The following FAM114A1 variants were observed in gnomAD, a reference collection of about 807,000 sequenced individuals.
FAM114A1 encodes the protein protein NOXP20.
A neutral mutation model predicts 64.3 loss-of-function variants in FAM114A1; 62 were observed. The ratio of observed to expected loss-of-function variants is 0.96; its 90% CI spans 0.79 to 1.19. The LOEUF (loss-of-function observed/expected upper bound fraction) is 1.19, where lower values mean the gene tolerates loss of function less well. Among genes scored for constraint, FAM114A1 ranks in the 50% most tolerant of loss-of-function variants. The probability of loss-of-function intolerance (pLI) is 0.00; values close to 1 mark genes in which losing one functional copy is unlikely to be tolerated. For missense variants in FAM114A1, 645 were observed against 676.3 expected (o/e 0.95, Z 0.51); for synonymous variants, 254 against 251.1 (o/e 1.01, Z -0.11).
At position 38,878,318 on chromosome 4, in the gene FAM114A1, C is replaced by T; in HGVS notation, c.240C>T (p.Pro80=). The T allele has an allele frequency of 6.2e-7, 1 of 1,614,244 alleles. No homozygotes were observed. Residue 80 remains proline, a synonymous_variant, in exon 3 of 15, where the codon CCC becomes CCT. Transcript: ENST00000358869. The stretch of plus-strand genomic sequence containing the variant: ...CTCAGGATGCCAACGCCCTGGAGCC[C>T]CCTCTCAATGGAGACGTGACTGAGG... ...VQPQDANALE[P]PLNGDVTEDT...
chr4:38,938,026 G>A (rs979622751), intron 13 of FAM114A1, among the ~76,000 whole-genome samples: 3 of 145,876 alleles, frequency 2.1e-5, no homozygotes, highest in African/African-American at 5.1e-5. Flanking sequence ...TGTGAGCCAC[G>A]GCGCCCGACC....
chr4:38,923,118 T>C (rs1222147217), intron 9 of FAM114A1, among the ~76,000 whole-genome samples: 5 of 151,974 alleles, frequency 3.3e-5, no homozygotes, highest in Admixed American at 6.6e-5. Context: ...TTCGGCACAA[T>C]CCCTGGCACA....
chr4:38,921,402 C>A (rs986240811), intron 8 of FAM114A1, among the ~76,000 whole-genome samples: 4 of 151,616 alleles, frequency 2.6e-5, no homozygotes, highest in African/African-American at 9.8e-5. Flanking sequence ...AGACCACAGG[C>A]GTGCACCAGC....
intron 9 of FAM114A1, among the ~76,000 whole-genome samples, chr4:38,926,980 G>A (rs1398839017): frequency 1.3e-5 from 2 of 152,116 alleles, no homozygotes; most frequent in African/African-American, 4.8e-5. Flanking sequence ...TTGTGGCTTC[G>A]TCATGAGCAA....
chr4:38,886,987 G>T (rs1009408252), intron 3 of FAM114A1, among the ~76,000 whole-genome samples: 2 of 151,714 alleles, frequency 1.3e-5, no homozygotes, highest in Non-Finnish European at 2.9e-5. Flanking sequence ...ATAGAAAAAG[G>T]CCGAAAAGCT....
intron 2 of FAM114A1, among the ~76,000 whole-genome samples, chr4:38,873,014 T>A (rs556303421): frequency 6.6e-6 from 1 of 152,356 alleles, no homozygotes; most frequent in East Asian, 1.9e-4. Flanking sequence ...AACAGCCTTT[T>A]TAGCAGCCCC....
intron 3 of FAM114A1, among the ~76,000 whole-genome samples, chr4:38,880,485 A>G (rs1715149422): frequency 6.6e-6 from 1 of 152,214 alleles, no homozygotes; most frequent in African/African-American, 2.4e-5. Context: ...AACAATAGCA[A>G]TAACAGCCAC....
chr4:38,925,775 T>C (rs10155189), intron 9 of FAM114A1, among the ~76,000 whole-genome samples: 83,548 of 152,082 alleles, frequency 0.55, 23,679 homozygotes, highest in East Asian at 0.72. Flanking sequence ...AAGATCTTCT[T>C]GGCCATGTGT....
At position 38,929,465 on chromosome 4, in the gene FAM114A1, A is replaced by G; in HGVS notation, c.1161+132A>G. On this transcript the variant is annotated intron_variant, in intron 10 of 14. Transcript: ENST00000358869. Reference sequence around the variant, plus strand: ...TTATGTGGCATAGTGCCGGGAGAGGAGTTTGAGGTCAGTAATTAAGATTTG... The same window carrying G: ...TTATGTGGCATAGTGCCGGGAGAGGGGTTTGAGGTCAGTAATTAAGATTTG... 7.3e-6 allele frequency: 5 copies of G among 680,912 alleles called. No homozygotes were observed. The South Asian group carries it at 9.3e-5, about 13-fold the overall frequency. The allele number at this position is 680,912 out of a possible 1,614,324, so 42.2% of individuals were successfully genotyped here.
chr4:38,929,590 C>T (rs963306954), intron 10 of FAM114A1, among the ~76,000 whole-genome samples: 1 of 152,174 alleles, frequency 6.6e-6, no homozygotes, highest in Non-Finnish European at 1.5e-5. Context: ...CCAGCCTGGC[C>T]AACATGGTGA....
intron 2 of FAM114A1, among the ~76,000 whole-genome samples, chr4:38,870,242 C>T (rs1020599787): frequency 1.2e-4 from 19 of 152,332 alleles, no homozygotes; most frequent in African/African-American, 4.3e-4. Context: ...TACAGTCCAT[C>T]GCTGATGCTT....
rs2109828741 is a variant in FAM114A1, at chr4:38,944,896, C to G, written c.*1339C>G. The G allele has an allele frequency of 6.6e-6, 1 of 152,246 alleles. No homozygotes were observed. The highest frequency in any genetic ancestry group is 2.1e-4 in the South Asian group (1 of 4,822). The allele number at this position is 152,246 out of a possible 1,614,324, so 9.4% of individuals were successfully genotyped here. On this transcript the variant is annotated 3_prime_UTR_variant, in exon 15 of 15. Transcript: ENST00000358869. ...CCCTGGTACCAGAAAGGTTGGGGAC[C>G]ACTGGCTTAAAATACCAATAAATTT...
chr4:38,899,202 G>A (rs1380740180), intron 4 of FAM114A1, among the ~76,000 whole-genome samples: 1 of 152,042 alleles, frequency 6.6e-6, no homozygotes, highest in African/African-American at 2.4e-5. Context: ...TTGCAAGAGA[G>A]CAAAGGATTG....
chr4:38,894,508 C>A lies in FAM114A1; in HGVS notation c.436+2678C>A, dbSNP rs114745739. 5.2e-3 allele frequency among the ~76,000 whole-genome samples: 792 copies of A among 152,264 alleles called. 8 individuals carry two copies. Among genetic ancestry groups the A allele is most frequent in the African/African-American group, 0.018 (749 of 41,536 alleles). ...GCTTTTTAAGTAGTAATGTCAGCAC[C>A]ATCTACTGGTTATATTTGAACCAAG... On this transcript the variant is annotated intron_variant, in intron 4 of 14. Transcript: ENST00000358869.
chr4:38,884,092 A>G (rs747631732), intron 3 of FAM114A1, among the ~76,000 whole-genome samples: 9 of 152,224 alleles, frequency 5.9e-5, no homozygotes, highest in Admixed American at 2.0e-4. Context: ...AACCACTAAC[A>G]CTAGGACACA....
intron 10 of FAM114A1, 51 bp from the exon 11 acceptor site, chr4:38,931,400 A>T: frequency 6.4e-7 from 1 of 1,551,512 alleles, no homozygotes; most frequent in Non-Finnish European, 8.7e-7. Flanking sequence ...GGAATGACTT[A>T]GTTTCCATAT....
At chr4:38,924,573 A>C (rs138917672) in intron 9 of FAM114A1, among the ~76,000 whole-genome samples, 1 of 152,324 alleles carries the variant, frequency 6.6e-6, no homozygotes, top group Non-Finnish European at 1.5e-5. Flanking sequence ...ACATGCCTTC[A>C]GCTTAATGAG....
In FAM114A1 at chr4:38,931,336, A is replaced by G. The variant is rs912201550; in HGVS notation, c.1162-115A>G. The G allele has an allele frequency of 9.3e-5, 118 of 1,271,020 alleles. No homozygotes were observed. In the African/African-American group the frequency reaches 1.5e-3, roughly 16 times the overall value. 78.7% of individuals were successfully genotyped at this position (1,271,020 alleles called of 1,614,324 possible). A position where few individuals can be genotyped will look rare whatever the true frequency, so the allele number is the denominator to read the frequency against. On this transcript the variant is annotated intron_variant, in intron 10 of 14. Coordinates refer to ENST00000358869, the MANE Select transcript of FAM114A1 (RefSeq NM_138389.4). ...AAAATTGCCCCGTCATCCTCCAAAC[A>G]TACAGAGATCCATTCTTGAAGGCTT...
intron 8 of FAM114A1, among the ~76,000 whole-genome samples, chr4:38,918,089 T>G (rs1005152766): frequency 6.0e-5 from 9 of 149,544 alleles, no homozygotes; most frequent in Admixed American, 3.3e-4. Context: ...CCGGGCATGG[T>G]GACGCATGCC....
Sources: allele counts gnomAD v4.1 joint callset (sites outside exome capture counted in the v4.1 genomes callset), GRCh38; gene constraint gnomAD v4.1.1; transcripts MANE v1.5; gene names NCBI Gene and HGNC (gene_info 2026-07-23, HGNC 2026-07-21).